The following RSPH14 variants were observed in gnomAD, a reference collection of about 807,000 sequenced individuals.
RSPH14 encodes the protein rhabdoid tumor deletion region gene 1.
In RSPH14, 20 loss-of-function variants were observed where a neutral mutation model predicts 26.7. That is an observed-to-expected ratio of 0.75 (90% confidence interval 0.53 to 1.09). The LOEUF (loss-of-function observed/expected upper bound fraction) is 1.09. Ranked by LOEUF, RSPH14 falls within the 50% of genes least tolerant of loss-of-function variation. The pLI is 0.00. For missense variants in RSPH14, 449 were observed against 457.2 expected (o/e 0.98, Z 0.16); for synonymous variants, 177 against 189.3 (o/e 0.93, Z 0.53).
upstream of RSPH14, among the ~76,000 whole-genome samples, chr22:23,148,033 G>A (rs2070896858): frequency 6.6e-6 from 1 of 152,148 alleles, no homozygotes; most frequent in African/African-American, 2.4e-5. Context: ...TCGGACAGGT[G>A]CAGAGGGATA....
upstream of RSPH14, among the ~76,000 whole-genome samples, chr22:23,144,270 C>G (rs117632799): frequency 6.6e-6 from 1 of 151,990 alleles, no homozygotes; most frequent in East Asian, 1.9e-4. Flanking sequence ...CTCTGCTTCC[C>G]GCAGTGGACT....
intron 4 of RSPH14, among the ~76,000 whole-genome samples, chr22:23,079,229 T>C (rs923655651): frequency 6.6e-6 from 1 of 152,224 alleles, no homozygotes; most frequent in Non-Finnish European, 1.5e-5. Context: ...ACACGTGGTG[T>C]GGCTGTGTGC....
At chr22:23,105,100 A>G (rs2069424124) in intron 4 of RSPH14, among the ~76,000 whole-genome samples, 1 of 151,974 alleles carries the variant, frequency 6.6e-6, no homozygotes, top group African/African-American at 2.4e-5. Flanking sequence ...TAATAATGAA[A>G]CCAGAGTCGA....
chr22:23,127,826 C>T (rs757801714), intron 4 of RSPH14, among the ~76,000 whole-genome samples: 2 of 152,204 alleles, frequency 1.3e-5, no homozygotes, highest in Non-Finnish European at 2.9e-5. Flanking sequence ...ACATTTCACC[C>T]GCGGCACCCT....
chr22:23,107,270 T>G (rs2069510861), intron 4 of RSPH14, among the ~76,000 whole-genome samples: 1 of 152,100 alleles, frequency 6.6e-6, no homozygotes, highest in African/African-American at 2.4e-5. Flanking sequence ...CTGGCCCCCA[T>G]CCCAGAGGAG....
At chr22:23,100,107 A>G (rs2069252648) in intron 4 of RSPH14, among the ~76,000 whole-genome samples, 1 of 152,148 alleles carries the variant, frequency 6.6e-6, no homozygotes. Flanking sequence ...CCTGTGATGG[A>G]CCTGCTGTGC....
intron 4 of RSPH14, among the ~76,000 whole-genome samples, chr22:23,120,168 G>T (rs1311255628): frequency 6.6e-6 from 1 of 152,184 alleles, no homozygotes; most frequent in Non-Finnish European, 1.5e-5. Flanking sequence ...TCTAAGTCAG[G>T]AACAGGAGGC....
At chr22:23,123,505 C>T (rs2070090670) in intron 4 of RSPH14, 3 of 956,190 alleles carry the variant, frequency 3.1e-6, no homozygotes, top group Non-Finnish European at 3.2e-6. Context: ...GCTAGAGAGG[C>T]CCAATCCAGG....
At chr22:23,159,642 G>A in the RSPH14 span, among the ~76,000 whole-genome samples, 1 of 152,134 alleles carries the variant, frequency 6.6e-6, no homozygotes, top group African/African-American at 2.4e-5. Flanking sequence ...GCAGGGCCAG[G>A]ATCCAAACAC....
At chr22:23,089,062 A>C (rs1003466176) in intron 4 of RSPH14, among the ~76,000 whole-genome samples, 10 of 152,188 alleles carry the variant, frequency 6.6e-5, no homozygotes, top group Non-Finnish European at 1.5e-4. Context: ...GCCCAAGCTC[A>C]GCATGGGGCA....
chr22:23,127,423 C>T (rs2070211772), intron 4 of RSPH14, among the ~76,000 whole-genome samples: 1 of 152,236 alleles, frequency 6.6e-6, no homozygotes, highest in African/African-American at 2.4e-5. Context: ...GGTTCTGGTG[C>T]ACCCTGCCCT....
At position 23,064,068 on chromosome 22, in the gene RSPH14, C is replaced by T; in HGVS notation, c.487G>A (p.Glu163Lys). ...ATGAACTCCTGGAACTCCTCCTCCT[C>T]CACCTCCACCTGCAGCTTCCATACC... is the stretch of plus-strand genomic sequence containing the variant. ...SLVWKLQVEV[E>K]EEEFQEFILD... The change falls in exon 5 of 7, where the codon GAG (glutamate) becomes AAG (lysine). Residue 163 changes from glutamate to lysine, a missense_variant. By Grantham distance (56) the Glu-to-Lys change is moderately conservative. Transcript: ENST00000216036. The T allele has an allele frequency of 6.2e-7, 1 of 1,614,188 alleles. No individual in the cohort carries two copies. Among genetic ancestry groups the T allele is most frequent in the South Asian group, 1.1e-5 (1 of 91,088 alleles).
intron 3 of RSPH14, among the ~76,000 whole-genome samples, chr22:23,137,132 G>A (rs2070496947): frequency 7.2e-6 from 1 of 139,118 alleles, no homozygotes; most frequent in Non-Finnish European, 1.6e-5. Context: ...TTGGGGACTA[G>A]CAGGGCTGAG....
chr22:23,099,129 T>C (rs2146326211), intron 4 of RSPH14, among the ~76,000 whole-genome samples: 1 of 152,276 alleles, frequency 6.6e-6, no homozygotes, highest in Non-Finnish European at 1.5e-5. Context: ...CCCCCACGCC[T>C]GGCGAAGGAG....
the RSPH14 span, among the ~76,000 whole-genome samples, chr22:23,150,539 G>A: frequency 6.6e-6 from 1 of 152,060 alleles, no homozygotes; most frequent in South Asian, 2.1e-4. Flanking sequence ...CTGACCTCGT[G>A]ATCAGCCTGC....
chr22:23,170,438 C>G, the RSPH14 span, among the ~76,000 whole-genome samples: 1 of 152,142 alleles, frequency 6.6e-6, no homozygotes, highest in East Asian at 1.9e-4. Context: ...GAGCGCTCTT[C>G]AGGGTTCCTT....
intron 4 of RSPH14, among the ~76,000 whole-genome samples, chr22:23,121,555 G>T (rs969951684): frequency 6.6e-6 from 1 of 152,206 alleles, no homozygotes; most frequent in Admixed American, 6.5e-5. Context: ...GGAGTGGGCA[G>T]ATGTGAGAAC....
chr22:23,102,214 G>A lies in RSPH14; in HGVS notation c.421+31812C>T, dbSNP rs142035356. Among the ~76,000 whole-genome samples, 1,119 of 152,350 alleles carry A rather than the reference G, an allele frequency of 7.3e-3. 6 individuals are homozygous for A. Among genetic ancestry groups the A allele is most frequent in the Middle Eastern group, 0.02 (6 of 294 alleles). On this transcript the variant is annotated intron_variant, in intron 4 of 6. Coordinates refer to ENST00000216036, the MANE Select transcript of RSPH14 (RefSeq NM_014433.3). ...TTCAGCCGCTCTGAGCCTGTGGCCAGTGCTCAGTGAATGATGGGTATCTGC... is the reference window on the plus strand; with the variant it reads ...TTCAGCCGCTCTGAGCCTGTGGCCAATGCTCAGTGAATGATGGGTATCTGC...
chr22:23,178,174 C>T, the RSPH14 span, among the ~76,000 whole-genome samples: 3 of 152,126 alleles, frequency 2.0e-5, no homozygotes, highest in Non-Finnish European at 4.4e-5. Flanking sequence ...TCCAGCACTA[C>T]AGGAGGCCAA....
Sources: gnomAD v4.1 joint callset for allele counts (sites outside exome capture counted in the v4.1 genomes callset) on GRCh38, gnomAD v4.1.1 for gene constraint, MANE v1.5 for transcripts, NCBI Gene and HGNC (gene_info 2026-07-23, HGNC 2026-07-21) for gene names.